Variants in ALK observed in about 807,000 individuals in gnomAD.
ALK encodes the protein ALK receptor tyrosine kinase.
ALK carries 74 observed loss-of-function variants against 163.1 expected under a neutral mutation model. The ratio of observed to expected loss-of-function variants is 0.45; its 90% CI spans 0.38 to 0.55. The LOEUF is 0.55. Among genes scored for constraint, ALK ranks in the 20% least tolerant of loss-of-function variants. The pLI is 0.00. For missense variants in ALK, 2,063 were observed against 2,105.3 expected (o/e 0.98, Z 0.39); for synonymous variants, 960 against 843.2 (o/e 1.14, Z -2.40).
At chr2:29,235,130 C>A (rs951568133) in intron 13 of ALK, among the ~76,000 whole-genome samples, 7 of 152,250 alleles carry the variant, frequency 4.6e-5, no homozygotes, top group African/African-American at 1.7e-4. Flanking sequence ...CCTGGAATCC[C>A]TGAAGAAGTA....
intron 2 of ALK, among the ~76,000 whole-genome samples, chr2:29,702,328 T>A (rs925722538): frequency 1.6e-4 from 24 of 151,928 alleles, no homozygotes; most frequent in Non-Finnish European, 2.9e-5. Context: ...GCTCTACAAG[T>A]GAGGCAGGAA....
chr2:29,880,638 C>T (rs1222397313), intron 1 of ALK, among the ~76,000 whole-genome samples: 4 of 152,176 alleles, frequency 2.6e-5, no homozygotes, highest in Admixed American at 2.0e-4. Context: ...TAAACACACA[C>T]GCCTCGGAGG....
chr2:29,451,894 A>G (rs1670828360), intron 4 of ALK, among the ~76,000 whole-genome samples: 1 of 152,210 alleles, frequency 6.6e-6, no homozygotes, highest in Admixed American at 6.5e-5. Context: ...AATTTGTTCT[A>G]TAGCTGTGTT....
chr2:29,383,870 T>C lies in ALK; in HGVS notation c.1155-11A>G, dbSNP rs1338300871. On this transcript the variant is annotated splice_polypyrimidine_tract_variant and intron_variant, in intron 4 of 28. Transcript: ENST00000389048. Reference sequence around the variant, plus strand: ...TGGAGCACTGTCCAACTGGTTGCATTGGAAAACAGAGGAGAAAAGCATAGA... The same window carrying C: ...TGGAGCACTGTCCAACTGGTTGCATCGGAAAACAGAGGAGAAAAGCATAGA... 6.2e-7 allele frequency: 1 copy of C among 1,613,494 alleles called. No homozygotes were observed. Among genetic ancestry groups the C allele is most frequent in the African/African-American group, 1.3e-5 (1 of 74,560 alleles).
At chr2:29,310,942 G>A (rs1029211900) in intron 8 of ALK, among the ~76,000 whole-genome samples, 2 of 152,180 alleles carry the variant, frequency 1.3e-5, no homozygotes, top group African/African-American at 4.8e-5. Context: ...CTGGAAGTGG[G>A]GCCCAAATCT....
intron 9 of ALK, chr2:29,286,886 T>G (rs770590285): frequency 6.6e-6 from 1 of 152,006 alleles, no homozygotes; most frequent in Non-Finnish European, 1.5e-5. Flanking sequence ...TGGCCAGACA[T>G]GAGAGCTATA....
intron 11 of ALK, among the ~76,000 whole-genome samples, chr2:29,266,528 T>C (rs1213634485): frequency 6.6e-6 from 1 of 152,264 alleles, no homozygotes; most frequent in Non-Finnish European, 1.5e-5. Flanking sequence ...CAGCATTTTA[T>C]ATCAGCATAT....
chr2:29,327,559 G>A (rs1346446763), intron 6 of ALK, among the ~76,000 whole-genome samples: 1 of 152,182 alleles, frequency 6.6e-6, no homozygotes, highest in African/African-American at 2.4e-5. Context: ...GCTAATGGCA[G>A]GGGGTTTGGA....
chr2:29,592,299 C>G (rs948397356), intron 3 of ALK, among the ~76,000 whole-genome samples: 2 of 152,184 alleles, frequency 1.3e-5, no homozygotes, highest in African/African-American at 2.4e-5. Context: ...ATTGCCACTC[C>G]GAGGAGCTGG....
chr2:29,225,812 G>A (rs1312086187), intron 18 of ALK, among the ~76,000 whole-genome samples: 1 of 152,210 alleles, frequency 6.6e-6, no homozygotes, highest in Non-Finnish European at 1.5e-5. Flanking sequence ...GTGGCGGGAT[G>A]TTGGTTTGAA....
chr2:29,228,864 T>A lies in ALK; in HGVS notation c.2815+20A>T. ...ACTAAGCAGGGAGGGAGTGACACCT[T>A]GAACACGAATCATCTTTACCTATAT... On this transcript the variant is annotated intron_variant, in intron 16 of 28. Transcript: ENST00000389048. 6.5e-7 allele frequency: 1 copy of A among 1,541,974 alleles called. No individual in the cohort carries two copies. The highest frequency in any genetic ancestry group is 9.0e-7 in the Non-Finnish European group (1 of 1,114,388).
chr2:29,893,488 TTG>T (rs1161783249), intron 1 of ALK, among the ~76,000 whole-genome samples: 1 of 152,190 alleles, frequency 6.6e-6, no homozygotes, highest in East Asian at 1.9e-4. Context: ...TATTAGTTCT[TTG>T]TGTTATTGTT....
At chr2:29,798,479 A>G (rs1360849063) in intron 1 of ALK, among the ~76,000 whole-genome samples, 1 of 152,264 alleles carries the variant, frequency 6.6e-6, no homozygotes, top group Non-Finnish European at 1.5e-5. Context: ...ATTTGAAGAG[A>G]TTTTGTGCTG....
At chr2:29,853,589 G>A (rs1468114627) in intron 1 of ALK, among the ~76,000 whole-genome samples, 3 of 152,052 alleles carry the variant, frequency 2.0e-5, no homozygotes, top group African/African-American at 7.2e-5. Flanking sequence ...TCCCACCTCT[G>A]CTCTCCCTAC....
intron 3 of ALK, among the ~76,000 whole-genome samples, chr2:29,549,117 A>T (rs1673646638): frequency 6.7e-6 from 1 of 149,898 alleles, no homozygotes; most frequent in South Asian, 2.1e-4. Flanking sequence ...GGGAAATAAC[A>T]GTGGCTGCTG....
intron 1 of ALK, among the ~76,000 whole-genome samples, chr2:29,790,302 A>G (rs1664157795): frequency 6.6e-6 from 1 of 152,164 alleles, no homozygotes. Context: ...GCTCATGTTA[A>G]GACCAGATGC....
intron 5 of ALK, among the ~76,000 whole-genome samples, chr2:29,350,737 A>G (rs1668089471): frequency 6.6e-6 from 1 of 152,054 alleles, no homozygotes; most frequent in African/African-American, 2.4e-5. Context: ...TTATCCTCCT[A>G]CCAACCCTGT....
intron 12 of ALK, among the ~76,000 whole-genome samples, chr2:29,241,986 G>A (rs1262801922): frequency 6.6e-6 from 1 of 152,092 alleles, no homozygotes; most frequent in Non-Finnish European, 1.5e-5. Flanking sequence ...GAAGCTATTT[G>A]CCCCTCCTAA....
chr2:29,439,661 T>C (rs1196218410), intron 4 of ALK, among the ~76,000 whole-genome samples: 1 of 143,532 alleles, frequency 7.0e-6, no homozygotes, highest in East Asian at 2.1e-4. Context: ...TGGGCCCTGA[T>C]CCAACGGGAC....
Sources: allele counts gnomAD v4.1 joint callset (sites outside exome capture counted in the v4.1 genomes callset), GRCh38; gene constraint gnomAD v4.1.1; transcripts MANE v1.5; gene names NCBI Gene and HGNC (gene_info 2026-07-23, HGNC 2026-07-21).